The following ZBTB14 variants were observed in gnomAD, a reference collection of about 807,000 sequenced individuals.
ZBTB14 encodes the protein zinc finger and BTB domain-containing protein 14.
Under a neutral mutation model 29.5 loss-of-function variants are expected in ZBTB14, and 8 were observed. The ratio of observed to expected loss-of-function variants is 0.27; its 90% CI spans 0.16 to 0.49. The LOEUF is 0.49. ZBTB14 is among the 20% of genes least tolerant of loss of function. The probability of loss-of-function intolerance (pLI) is 0.99; values close to 1 mark genes in which losing one functional copy is unlikely to be tolerated. For missense variants in ZBTB14, 333 were observed against 563.8 expected (o/e 0.59, Z 4.15); for synonymous variants, 226 against 207.2 (o/e 1.09, Z -0.78).
rs1459507122 is a variant in ZBTB14 at position 5,290,673 on chromosome 18, G to C, written c.*185C>G. 8.2e-6 allele frequency: 7 copies of C among 854,186 alleles called. No individual in the cohort carries two copies. In the African/African-American group the frequency reaches 1.0e-4, roughly 13 times the overall value. 52.9% of individuals were successfully genotyped at this position (854,186 alleles called of 1,614,324 possible). On this transcript the variant is annotated 3_prime_UTR_variant, in exon 4 of 4. Transcript: ENST00000651870. ...CCAGACAAGACAGTGAAACGGTTTG[G>C]TCAGAACTGAGGAACACCATTTCCT...
In ZBTB14 at chr18:5,293,318, C is replaced by G. The variant is rs571206422; in HGVS notation, c.-72G>C. 4.7e-6 allele frequency: 7 copies of G among 1,492,118 alleles called. No homozygotes were observed. The African/African-American group carries it at 9.7e-5, about 21-fold the overall frequency. 92.4% of individuals were successfully genotyped at this position (1,492,118 alleles called of 1,614,324 possible). ...AGATCAGAGTAACTCTGATCAGGAG[C>G]ACGCCAGACCTACAGAGGAAAGGAT... On this transcript the variant is annotated 5_prime_UTR_variant, in exon 3 of 4. Transcript: ENST00000651870.
upstream of ZBTB14, chr18:5,296,982 GTCCC>G (rs2143287998): frequency 6.6e-6 from 1 of 152,172 alleles, no homozygotes; most frequent in Admixed American, 6.5e-5. Context: ...GAGCTGGGAA[GTCCC>G]TCCCGCTCCC....
upstream of ZBTB14, among the ~76,000 whole-genome samples, chr18:5,296,404 C>T (rs2071968660): frequency 6.7e-6 from 1 of 148,938 alleles, no homozygotes; most frequent in South Asian, 2.1e-4. Flanking sequence ...CCGCGCCCGG[C>T]GCCGGCGCAG....
intron 1 of ZBTB14, among the ~76,000 whole-genome samples, chr18:5,295,385 A>G (rs1206652521): frequency 5.7e-5 from 8 of 140,478 alleles, no homozygotes; most frequent in Middle Eastern, 4.2e-3. Context: ...CGGCGGCTGT[A>G]GGCGGCGCGG....
At chr18:5,295,734 C>A, upstream of ZBTB14, 1 of 151,356 alleles carries the variant, frequency 6.6e-6, no homozygotes, top group South Asian at 2.0e-4. Flanking sequence ...TCTTCCGGGC[C>A]GCCCCGCCAG....
At chr18:5,295,223 G>GAGCTCGCGCCCCGCGCACTCCCCGGCC (rs2071923247) in intron 1 of ZBTB14, among the ~76,000 whole-genome samples, 5 of 144,704 alleles carry the variant, frequency 3.5e-5, no homozygotes, top group African/African-American at 4.9e-5. Context: ...CGCGAGCCCG[G>GAGCTCGCGCCCCGCGCACTCCCCGGCC]AGCTCGCGCC....
chr18:5,290,954 A>C lies in ZBTB14; in HGVS notation c.1254T>G (p.Val418=). ...TCTCGCTCTGGATGGCACTGGGGGT[A>C]ACCTGCTTCCTTTCACTGTGCATAT... is the stretch of plus-strand genomic sequence containing the variant. ...ENNMHSERKQ[V]TPSAIQSETE... The change falls in exon 4 of 4, where the codon GTT becomes GTG. Residue 418 remains valine (V), a synonymous_variant. Coordinates refer to ENST00000651870, the MANE Select transcript of ZBTB14 (RefSeq NM_001243702.2). The C allele has an allele frequency of 6.2e-7, 1 of 1,614,272 alleles. No homozygotes were observed. The highest frequency in any genetic ancestry group is 1.1e-5 in the South Asian group (1 of 91,088).
chr18:5,294,013 A>G lies in ZBTB14; in HGVS notation c.-111-12T>C, dbSNP rs1019635860. ...TGCAGACCCATATCCTGAAAAACAAAAAGTTTCCTCTACTGAACAGTGACC... is the reference window on the plus strand; with the variant it reads ...TGCAGACCCATATCCTGAAAAACAAGAAGTTTCCTCTACTGAACAGTGACC... On this transcript the variant is annotated splice_polypyrimidine_tract_variant and intron_variant, in intron 1 of 3. Coordinates refer to ENST00000651870, the MANE Select transcript of ZBTB14 (RefSeq NM_001243702.2). 5 of 152,174 alleles carry G rather than the reference A, an allele frequency of 3.3e-5. No homozygotes were observed. The highest frequency in any genetic ancestry group is 2.6e-4 in the Admixed American group (4 of 15,284). 9.4% of individuals were successfully genotyped at this position (152,174 alleles called of 1,614,324 possible). A position where few individuals can be genotyped will look rare whatever the true frequency, so the allele number is the denominator to read the frequency against.
chr18:5,294,609 G>GAGATGAA (rs2071898975), intron 1 of ZBTB14, among the ~76,000 whole-genome samples: 1 of 151,120 alleles, frequency 6.6e-6, no homozygotes, highest in Non-Finnish European at 1.5e-5. Flanking sequence ...ATGTCCAATT[G>GAGATGAA]CTCAGTTCAG....
chr18:5,291,736 T>G lies in ZBTB14; in HGVS notation c.472A>C (p.Thr158Pro). Residue 158 changes from threonine (T) to proline (P), a missense_variant, in exon 4 of 4, where the codon ACC becomes CCC. Physicochemically the swap from Thr to Pro is conservative, Grantham distance 38. This residue lies in a region of ZBTB14 where 126 missense variants were observed against 132.2 expected (regional missense o/e 0.95). Transcript: ENST00000651870. This position sits in a 1 kb window ranked among gnomAD's most constrained non-coding sequence, Gnocchi z 5.8. ...ATTTCCTCTACATCATCATCCTGGG[T>G]GTCAGCAGCATCTCCAATGGGGCGA... ...INRPIGDAAD[T>P]QDDDVEEIGD... The G allele has an allele frequency of 1.9e-6, 3 of 1,614,140 alleles. No homozygotes were observed. The highest frequency in any genetic ancestry group is 2.5e-6 in the Non-Finnish European group (3 of 1,180,030).
In ZBTB14 at chr18:5,291,446, T is replaced by C. The variant is rs1396701582; in HGVS notation, c.762A>G (p.Pro254=). The change falls in exon 4 of 4, where the codon CCA becomes CCG. Residue 254 remains proline (P), a synonymous_variant. Transcript: ENST00000651870. This position sits in a 1 kb window ranked among gnomAD's most constrained non-coding sequence, Gnocchi z 5.8. ...TGTCACTGGCGGCTGTTGTCCAGCC[T>C]GGTGTCTGTTCATCTTTCACTTCAC... The part of the protein sequence containing the change: ...GMSEVKDEQT[P]GWTTAASDMK... 5.0e-6 allele frequency: 8 copies of C among 1,614,230 alleles called. No individual in the cohort carries two copies. The highest frequency in any genetic ancestry group is 6.8e-6 in the Non-Finnish European group (8 of 1,180,042).
upstream of ZBTB14, among the ~76,000 whole-genome samples, chr18:5,296,554 T>A (rs2071972962): frequency 6.6e-6 from 1 of 151,558 alleles, no homozygotes; most frequent in African/African-American, 2.4e-5. Context: ...ACTTTCGCCC[T>A]CCGCGCACAC....
chr18:5,289,261 A>G lies in ZBTB14; in HGVS notation c.*1597T>C, dbSNP rs1598342179. ...TTAAGTAAAATTAAACATTTTACCA[A>G]TAACTAAAATTTTTAAAAAGGTAGC... On this transcript the variant is annotated 3_prime_UTR_variant, in exon 4 of 4. Coordinates refer to ENST00000651870, the MANE Select transcript of ZBTB14 (RefSeq NM_001243702.2). 4 of 152,228 alleles carry G rather than the reference A, an allele frequency of 2.6e-5. No individual in the cohort carries two copies. Among genetic ancestry groups the G allele is most frequent in the Admixed American group, 2.0e-4 (3 of 15,278 alleles). 9.4% of individuals were successfully genotyped at this position (152,228 alleles called of 1,614,324 possible). A position where few individuals can be genotyped will look rare whatever the true frequency, so the allele number is the denominator to read the frequency against.
In ZBTB14 at chr18:5,291,528, T is replaced by C; in HGVS notation, c.680A>G (p.Glu227Gly). ...GGTCTGGGACCCCAAGTCTTTTGATTCTGGGGTCTCCATGGATTCTACTTC... is the reference window on the plus strand; with the variant it reads ...GGTCTGGGACCCCAAGTCTTTTGATCCTGGGGTCTCCATGGATTCTACTTC... ...GQEVESMETPESKDLGSQTPQ... is the reference protein window; with the variant it reads ...GQEVESMETPGSKDLGSQTPQ... Residue 227 changes from glutamate (E) to glycine (G), a missense_variant, in exon 4 of 4, where the codon GAA becomes GGA. This residue lies in a region of ZBTB14 where 126 missense variants were observed against 132.2 expected (regional missense o/e 0.95). Transcript: ENST00000651870. This position sits in a 1 kb window ranked among gnomAD's most constrained non-coding sequence, Gnocchi z 5.8. 1.2e-6 allele frequency: 2 copies of C among 1,614,168 alleles called. No homozygotes were observed. The highest frequency in any genetic ancestry group is 1.7e-6 in the Non-Finnish European group (2 of 1,180,030).
upstream of ZBTB14, chr18:5,296,131 C>A (rs185415208): frequency 6.6e-6 from 1 of 151,810 alleles, no homozygotes; most frequent in Non-Finnish European, 1.5e-5. Flanking sequence ...CCGACCGGGT[C>A]TCTAAGTGGG....
At position 5,289,110 on chromosome 18, in the gene ZBTB14, T is replaced by C. The variant is rs1433837619; in HGVS notation, c.*1748A>G. ...TATTGACAAGATGTTAAAATTATTT[T>C]TCCTTTGCTTTGGTTAAAACAGCCT... is the stretch of plus-strand genomic sequence containing the variant. On this transcript the variant is annotated 3_prime_UTR_variant, in exon 4 of 4. Transcript: ENST00000651870. 6.6e-6 allele frequency: 1 copy of C among 152,234 alleles called. No homozygotes were observed. Among genetic ancestry groups the C allele is most frequent in the African/African-American group, 2.4e-5 (1 of 41,454 alleles). 9.4% of individuals were successfully genotyped at this position (152,234 alleles called of 1,614,324 possible).
rs777403648 is a variant in ZBTB14 at position 5,291,076 on chromosome 18, C to T, written c.1132G>A (p.Asp378Asn). 6.2e-7 allele frequency: 1 copy of T among 1,614,260 alleles called. No homozygotes were observed. Among genetic ancestry groups the T allele is most frequent in the Non-Finnish European group, 8.5e-7 (1 of 1,180,048 alleles). Residue 378 changes from aspartate to asparagine, a missense_variant, in exon 4 of 4, where the codon GAT becomes AAT. Physicochemically the swap from Asp to Asn is conservative, Grantham distance 23. This residue lies in a region of ZBTB14 where 140 missense variants were observed against 274.6 expected (regional missense o/e 0.51). Transcript: ENST00000651870. The surrounding 1 kb of genome is among the most constrained non-coding windows in gnomAD (Gnocchi z 5.8). ...KAFKHKSHLK[D>N]HERRHRGEKP... ...TCCCCTCTGTGTCTTCTTTCATGATCCTTGAGGTGAGACTTGTGTTTGAAG... is the reference window on the plus strand; with the variant it reads ...TCCCCTCTGTGTCTTCTTTCATGATTCTTGAGGTGAGACTTGTGTTTGAAG...
chr18:5,291,776 ATACT>A lies in ZBTB14; in HGVS notation c.428_431del (p.Lys143IlefsTer5). The stretch of plus-strand genomic sequence containing the variant: ...CAATGGGGCGATTTATTTTAAGGCA[ATACT>A]TACTTTTGGACTGACCATTGTTTTC... On this transcript the variant is annotated frameshift_variant, in exon 4 of 4. Coordinates refer to ENST00000651870, the MANE Select transcript of ZBTB14 (RefSeq NM_001243702.2). LOFTEE classifies it high-confidence loss of function. This position sits in a 1 kb window ranked among gnomAD's most constrained non-coding sequence, Gnocchi z 5.8. 6.2e-7 allele frequency: 1 copy of A among 1,614,016 alleles called. No individual in the cohort carries two copies. The highest frequency in any genetic ancestry group is 2.2e-5 in the East Asian group (1 of 44,892).
chr18:5,292,455 A>G (rs576506867), intron 3 of ZBTB14, among the ~76,000 whole-genome samples: 43 of 152,300 alleles, frequency 2.8e-4, no homozygotes, highest in Admixed American at 1.9e-3. Flanking sequence ...TGTGCTTTAC[A>G]TGTTTTAATT....
Sources: allele counts gnomAD v4.1 joint callset (sites outside exome capture counted in the v4.1 genomes callset), GRCh38; gene constraint gnomAD v4.1.1; regional missense constraint gnomAD v4.1.1; non-coding constraint Gnocchi (gnomAD v3.1); transcripts MANE v1.5; gene names NCBI Gene and HGNC (gene_info 2026-07-23, HGNC 2026-07-21).